LIPH: variants seen among roughly 807,000 people sequenced by gnomAD.
The protein encoded by LIPH is lipase H.
Under a neutral mutation model 47.6 loss-of-function variants are expected in LIPH, and 32 were observed. That is an observed-to-expected ratio of 0.67 (90% confidence interval 0.51 to 0.90). The LOEUF (loss-of-function observed/expected upper bound fraction) is 0.90. LIPH is among the 40% of genes least tolerant of loss of function. The probability of loss-of-function intolerance (pLI) is 0.00; values close to 1 mark genes in which losing one functional copy is unlikely to be tolerated. For synonymous variants in LIPH, 190 were observed against 195.6 expected (o/e 0.97, Z 0.24); for missense variants, 497 against 541.4 (o/e 0.92, Z 0.81).
chr3:185,535,086 A>G lies in LIPH; in HGVS notation c.96T>C (p.Ser32=). The change falls in exon 2 of 10, where the codon AGT becomes AGC. Residue 32 remains serine, a synonymous_variant. Coordinates refer to ENST00000296252, the MANE Select transcript of LIPH (RefSeq NM_139248.3). ...CPSFTRLSFH[S]AVVGTGLNVR... is the part of the protein sequence containing the mutation. ...CATTTAGTCCCGTACCAACCACTGC[A>G]CTGTGAAAGCTCAGCCTGGTGAATG... 6.2e-7 allele frequency: 1 copy of G among 1,614,136 alleles called. No homozygotes were observed.
At chr3:185,529,236 T>C (rs536268679) in intron 3 of LIPH, among the ~76,000 whole-genome samples, 2 of 103,194 alleles carry the variant, frequency 1.9e-5, no homozygotes, top group East Asian at 3.2e-4. Flanking sequence ...AAAAAAAAAA[T>C]CAGCAGCTCC....
intron 7 of LIPH, 54 bp downstream of exon 7, chr3:185,517,013 G>T: frequency 8.7e-7 from 1 of 1,155,652 alleles, no homozygotes; most frequent in Non-Finnish European, 1.3e-6. Context: ...CTGAGACTCA[G>T]CCATCCCCAA....
chr3:185,547,551 C>A (rs1314023338), intron 1 of LIPH, among the ~76,000 whole-genome samples: 1 of 152,094 alleles, frequency 6.6e-6, no homozygotes. Flanking sequence ...CGGTGGCTCA[C>A]GCCTGTAATC....
chr3:185,521,942 C>T (rs1432790057), intron 5 of LIPH, among the ~76,000 whole-genome samples: 1 of 152,100 alleles, frequency 6.6e-6, no homozygotes, highest in Admixed American at 6.6e-5. Context: ...CCTAACTCAG[C>T]AAATTAAGTA....
chr3:185,516,551 A>C (rs1719736695), intron 7 of LIPH, among the ~76,000 whole-genome samples: 1 of 152,234 alleles, frequency 6.6e-6, no homozygotes. Context: ...AAGGCGTCTA[A>C]TCATTGGCTG....
intron 3 of LIPH, among the ~76,000 whole-genome samples, chr3:185,528,243 AG>A (rs1463448815): frequency 6.6e-6 from 1 of 150,462 alleles, no homozygotes. Context: ...AGAGAGAGAG[AG>A]AGAAAGAAAA....
chr3:185,544,808 G>C (rs2148965277), intron 1 of LIPH, among the ~76,000 whole-genome samples: 1 of 152,194 alleles, frequency 6.6e-6, no homozygotes, highest in Non-Finnish European at 1.5e-5. Flanking sequence ...AACAGGGCCT[G>C]GTTCAGAGTT....
intron 1 of LIPH, among the ~76,000 whole-genome samples, chr3:185,538,478 T>C (rs896252275): frequency 2.6e-5 from 4 of 152,156 alleles, no homozygotes; most frequent in Non-Finnish European, 4.4e-5. Flanking sequence ...TCTTGCATCA[T>C]CTGAAAATAA....
chr3:185,511,718 T>C, intron 8 of LIPH, 21 bp from the exon 9 acceptor site: 2 of 1,570,836 alleles, frequency 1.3e-6, no homozygotes, highest in Non-Finnish European at 1.8e-6. Context: ...GAAGTAATAC[T>C]GAAAAATGGA....
intron 1 of LIPH, among the ~76,000 whole-genome samples, chr3:185,540,226 C>T (rs746040760): frequency 2.6e-5 from 4 of 152,162 alleles, no homozygotes; most frequent in African/African-American, 9.7e-5. Flanking sequence ...CACATGGACA[C>T]GACTGAACTG....
At chr3:185,548,619 T>C (rs1452759897) in intron 1 of LIPH, among the ~76,000 whole-genome samples, 1 of 151,642 alleles carries the variant, frequency 6.6e-6, no homozygotes, top group Non-Finnish European at 1.5e-5. Flanking sequence ...CCCAGCTACT[T>C]GGGAGGCTGA....
intron 1 of LIPH, among the ~76,000 whole-genome samples, chr3:185,547,541 C>T (rs1417670804): frequency 2.0e-5 from 3 of 152,196 alleles, no homozygotes; most frequent in South Asian, 2.1e-4. Context: ...AGGCAGGGCA[C>T]GGTGGCTCAC....
In LIPH at chr3:185,511,512, C is replaced by T. The variant is rs748358423; in HGVS notation, c.1268+12G>A. The T allele has an allele frequency of 1.2e-6, 2 of 1,613,846 alleles. No individual in the cohort carries two copies. Among genetic ancestry groups the T allele is most frequent in the Non-Finnish European group, 8.5e-7 (1 of 1,179,744 alleles). ...GAAAACAGCGTTTTGTCAAACCGTACCCTCAGCTCACCTCTCCGGATGGGC... is the reference window on the plus strand; with the variant it reads ...GAAAACAGCGTTTTGTCAAACCGTATCCTCAGCTCACCTCTCCGGATGGGC... On this transcript the variant is annotated intron_variant, in intron 9 of 9. Coordinates refer to ENST00000296252, the MANE Select transcript of LIPH (RefSeq NM_139248.3).
intron 7 of LIPH, among the ~76,000 whole-genome samples, chr3:185,515,222 C>A (rs1365958270): frequency 1.3e-5 from 2 of 151,560 alleles, no homozygotes; most frequent in East Asian, 3.9e-4. Context: ...CATTCCCTAA[C>A]CAGCAGACTC....
intron 1 of LIPH, among the ~76,000 whole-genome samples, chr3:185,542,973 C>T (rs889274049): frequency 6.6e-6 from 1 of 151,994 alleles, no homozygotes; most frequent in Admixed American, 6.6e-5. Flanking sequence ...TTTGGGAGGC[C>T]AAGGCAGGCA....
intron 1 of LIPH, 31 bp from the exon 2 acceptor site, chr3:185,535,163 A>T (rs1322970276): frequency 1.2e-6 from 2 of 1,611,418 alleles, no homozygotes; most frequent in East Asian, 4.5e-5. Context: ...GCATCACGAC[A>T]GGTCTTTCCT....
intron 3 of LIPH, among the ~76,000 whole-genome samples, chr3:185,531,540 G>A (rs1332919698): frequency 6.9e-6 from 1 of 144,550 alleles, no homozygotes; most frequent in Non-Finnish European, 1.5e-5. Flanking sequence ...CTGGGCGACA[G>A]AGTAAGACTC....
Position 185,527,507 on chromosome 3 carries a change from T to C in LIPH, c.605A>G (p.Asp202Gly), listed in dbSNP as rs778994315. Residue 202 changes from aspartate (D) to glycine (G), a missense_variant, in exon 4 of 10, where the codon GAT becomes GGT. Coordinates refer to ENST00000296252, the MANE Select transcript of LIPH (RefSeq NM_139248.3). ...ACCATCAGTGTCGGAATGGATGACA[T>C]CAACAAACTGCGCATCACTGGGATC... is the stretch of plus-strand genomic sequence containing the variant. ...RLDPSDAQFV[D>G]VIHSDTDALG... 2.5e-6 allele frequency: 4 copies of C among 1,612,504 alleles called. No homozygotes were observed. In the South Asian group the frequency reaches 4.4e-5, roughly 18 times the overall value.
At chr3:185,549,959 G>A (rs1347491947) in intron 1 of LIPH, among the ~76,000 whole-genome samples, 1 of 152,070 alleles carries the variant, frequency 6.6e-6, no homozygotes, top group Admixed American at 6.6e-5. Flanking sequence ...AGCCCTCAGG[G>A]GATTCTAGTG....
Sources: gnomAD v4.1 joint callset for allele counts (sites outside exome capture counted in the v4.1 genomes callset) on GRCh38, gnomAD v4.1.1 for gene constraint, MANE v1.5 for transcripts, NCBI Gene and HGNC (gene_info 2026-07-23, HGNC 2026-07-21) for gene names.